Variants in CTNNA2 observed in about 807,000 individuals in gnomAD.
CTNNA2 encodes the protein catenin alpha 2.
A neutral mutation model predicts 101.0 loss-of-function variants in CTNNA2; 42 were observed. The observed-to-expected ratio is 0.42, with a 90% CI of 0.32 to 0.54. CTNNA2 has a LOEUF of 0.54. CTNNA2 is among the 20% of genes least tolerant of loss of function. CTNNA2 has a pLI of 0.14. For missense variants in CTNNA2, 871 were observed against 1,223.1 expected (o/e 0.71, Z 4.29); for synonymous variants, 450 against 456.4 (o/e 0.99, Z 0.18).
chr2:80,558,697 C>T (rs1693278255), intron 12 of CTNNA2, among the ~76,000 whole-genome samples: 1 of 151,824 alleles, frequency 6.6e-6, no homozygotes, highest in South Asian at 2.1e-4. Context: ...CAAATTTTGT[C>T]ATGAGAGTAC....
At position 80,648,764 on chromosome 2, in the gene CTNNA2, A is replaced by G. The variant is rs1290144938; in HGVS notation, c.*892A>G. ...TGTATTCACTAACTAACTCAAAATAAACACATTTAATCTTGACATCTCAAG... is the reference window on the plus strand; with the variant it reads ...TGTATTCACTAACTAACTCAAAATAGACACATTTAATCTTGACATCTCAAG... On this transcript the variant is annotated 3_prime_UTR_variant, in exon 19 of 19. Coordinates refer to ENST00000402739, the MANE Select transcript of CTNNA2 (RefSeq NM_001282597.3). 1 of 152,068 alleles carries G rather than the reference A, an allele frequency of 6.6e-6. No individual in the cohort carries two copies. The highest frequency in any genetic ancestry group is 1.5e-5 in the Non-Finnish European group (1 of 68,012). 9.4% of individuals were successfully genotyped at this position (152,068 alleles called of 1,614,324 possible).
At chr2:79,907,360 T>C (rs1270436351) in intron 6 of CTNNA2, among the ~76,000 whole-genome samples, 1 of 151,340 alleles carries the variant, frequency 6.6e-6, no homozygotes, top group Non-Finnish European at 1.5e-5. Context: ...CATACATATA[T>C]ACATATGTTC....
At chr2:79,505,764 CATAA>C (rs1372963944) in intron 5 of CTNNA2, among the ~76,000 whole-genome samples, 1 of 152,156 alleles carries the variant, frequency 6.6e-6, no homozygotes, top group African/African-American at 2.4e-5. Context: ...TTGGATAATC[CATAA>C]ATAGTGTGCT....
intron 4 of CTNNA2, among the ~76,000 whole-genome samples, chr2:79,472,658 A>T (rs1457119824): frequency 6.6e-6 from 1 of 152,078 alleles, no homozygotes; most frequent in Non-Finnish European, 1.5e-5. Context: ...ACCCATTACT[A>T]ATCTCCTTAT....
intron 2 of CTNNA2, among the ~76,000 whole-genome samples, chr2:79,211,662 G>A (rs977664351): frequency 2.0e-5 from 3 of 152,142 alleles, no homozygotes; most frequent in Non-Finnish European, 4.4e-5. Flanking sequence ...CTTTTGTGGT[G>A]GAATGTCATC....
chr2:80,435,608 A>C (rs1218841182), intron 9 of CTNNA2, among the ~76,000 whole-genome samples: 3 of 152,242 alleles, frequency 2.0e-5, no homozygotes, highest in African/African-American at 7.2e-5. Flanking sequence ...GGACAGGAAC[A>C]GGTAGGTAGA....
chr2:79,554,828 A>G (rs994635299), intron 1 of CTNNA2, among the ~76,000 whole-genome samples: 2 of 152,162 alleles, frequency 1.3e-5, no homozygotes, highest in African/African-American at 4.8e-5. Flanking sequence ...TAGTTTTCTT[A>G]TGTTTGTTTT....
intron 7 of CTNNA2, among the ~76,000 whole-genome samples, chr2:80,126,124 T>C (rs1278883355): frequency 6.6e-6 from 1 of 152,164 alleles, no homozygotes. Flanking sequence ...CCTGCTTCTT[T>C]GCCTACATTT....
intron 1 of CTNNA2, among the ~76,000 whole-genome samples, chr2:79,187,255 C>CTTTTTTTTTTTT (rs1673790152): frequency 3.0e-5 from 3 of 100,676 alleles, no homozygotes; most frequent in South Asian, 3.0e-4. Flanking sequence ...CTTTTCTTTT[C>CTTTTTTTTTTTT]TTTTCTTTTC....
intron 2 of CTNNA2, among the ~76,000 whole-genome samples, chr2:79,672,712 T>C (rs988626993): frequency 4.7e-5 from 7 of 149,904 alleles, no homozygotes; most frequent in Non-Finnish European, 8.9e-5. Context: ...TTTTTTCTTT[T>C]TTTTTTTTTT....
At chr2:79,903,088 G>A (rs1057211283) in intron 6 of CTNNA2, among the ~76,000 whole-genome samples, 12 of 152,280 alleles carry the variant, frequency 7.9e-5, no homozygotes, top group African/African-American at 2.9e-4. Context: ...TATTTGCAAA[G>A]TAGGAGTTTG....
intron 7 of CTNNA2, among the ~76,000 whole-genome samples, chr2:79,970,973 A>G (rs574814741): frequency 1.3e-5 from 2 of 152,150 alleles, no homozygotes; most frequent in Non-Finnish European, 2.9e-5. Context: ...GGTCCTATCA[A>G]TTTAGCAAGG....
chr2:80,479,764 A>G (rs1686006148), intron 9 of CTNNA2, among the ~76,000 whole-genome samples: 1 of 152,186 alleles, frequency 6.6e-6, no homozygotes, highest in African/African-American at 2.4e-5. Context: ...TCCTCTAATT[A>G]TTATACAAAA....
chr2:79,658,047 C>A (rs62140116), intron 2 of CTNNA2, among the ~76,000 whole-genome samples: 14,016 of 151,736 alleles, frequency 0.092, 802 homozygotes, highest in East Asian at 0.2. Context: ...AATTTTGTAT[C>A]TATTCAAAGG....
intron 3 of CTNNA2, among the ~76,000 whole-genome samples, chr2:79,793,445 G>A (rs1435113683): frequency 2.0e-5 from 3 of 152,184 alleles, no homozygotes; most frequent in Non-Finnish European, 4.4e-5. Flanking sequence ...ATATTGGACA[G>A]GAAACACCCA....
At chr2:79,493,173 C>G (rs1430637) in intron 4 of CTNNA2, among the ~76,000 whole-genome samples, 8 of 149,120 alleles carry the variant, frequency 5.4e-5, no homozygotes, top group African/African-American at 1.5e-4. Flanking sequence ...AAATTCTAAC[C>G]AAGACAAAGA....
chr2:79,341,798 A>G (rs1353775472), intron 3 of CTNNA2, among the ~76,000 whole-genome samples: 1 of 152,220 alleles, frequency 6.6e-6, no homozygotes. Flanking sequence ...CTCTATTTAT[A>G]TAGCCCAGTG....
chr2:79,403,942 A>C (rs1678314644), intron 4 of CTNNA2, among the ~76,000 whole-genome samples: 1 of 151,990 alleles, frequency 6.6e-6, no homozygotes, highest in Non-Finnish European at 1.5e-5. Flanking sequence ...ATCCAAACTG[A>C]TACGATACAA....
At chr2:79,706,504 C>A (rs6714659) in intron 2 of CTNNA2, among the ~76,000 whole-genome samples, 80,760 of 151,716 alleles carry the variant, frequency 0.53, 21,901 homozygotes, top group East Asian at 0.81. Context: ...TAGTGCTTGA[C>A]GTTTCACTCT....
Sources: allele counts gnomAD v4.1 joint callset (sites outside exome capture counted in the v4.1 genomes callset), GRCh38; gene constraint gnomAD v4.1.1; transcripts MANE v1.5; gene names NCBI Gene and HGNC (gene_info 2026-07-23, HGNC 2026-07-21).